EEIG1: variants seen among roughly 807,000 people sequenced by gnomAD.
The protein encoded by EEIG1 is estrogen-induced osteoclastogenesis regulator 1.
At chr9:127,959,112 AAC>A in the EEIG1 span, among the ~76,000 whole-genome samples, 3 of 152,250 alleles carry the variant, frequency 2.0e-5, no homozygotes, top group South Asian at 4.1e-4. Flanking sequence ...CAAAAGGTGA[AAC>A]ACAGAGTTAT....
chr9:127,960,327 T>A, the EEIG1 span, among the ~76,000 whole-genome samples: 2 of 151,624 alleles, frequency 1.3e-5, no homozygotes, highest in Admixed American at 1.3e-4. Flanking sequence ...TGGGGGGAGA[T>A]CAGAGGGGAT....
At chr9:127,963,499 G>C in the EEIG1 span, among the ~76,000 whole-genome samples, 2 of 152,250 alleles carry the variant, frequency 1.3e-5, no homozygotes, top group Non-Finnish European at 2.9e-5. Flanking sequence ...CAGCAAGGCG[G>C]GACAAGCCCT....
chr9:127,976,156 C>T, the EEIG1 span, among the ~76,000 whole-genome samples: 69 of 152,338 alleles, frequency 4.5e-4, 1 homozygote, highest in African/African-American at 1.6e-3. This position sits in a 1 kb window ranked among gnomAD's most constrained non-coding sequence, Gnocchi z 4.1. Context: ...GGCTGTCACA[C>T]GGGTCTGCAG....
At chr9:127,949,805 T>C in the EEIG1 span, among the ~76,000 whole-genome samples, 1 of 152,200 alleles carries the variant, frequency 6.6e-6, no homozygotes, top group Non-Finnish European at 1.5e-5. Context: ...GGTGTGCTGG[T>C]GACGGACACC....
At chr9:127,960,615 G>A in the EEIG1 span, among the ~76,000 whole-genome samples, 2 of 152,192 alleles carry the variant, frequency 1.3e-5, no homozygotes, top group South Asian at 2.1e-4. Context: ...GCCTGGGGAG[G>A]CAGCTCGGTG....
At chr9:127,953,765 T>C in the EEIG1 span, 4 of 1,613,742 alleles carry the variant, frequency 2.5e-6, no homozygotes, top group Admixed American at 5.0e-5. Context: ...GAGGGGCCTA[T>C]AGCCCAGCCC....
At chr9:127,961,734 A>G in the EEIG1 span, among the ~76,000 whole-genome samples, 1 of 152,200 alleles carries the variant, frequency 6.6e-6, no homozygotes, top group Non-Finnish European at 1.5e-5. Flanking sequence ...TCTTCATGGG[A>G]AGGTGACATC....
At chr9:127,971,912 A>G in the EEIG1 span, among the ~76,000 whole-genome samples, 1 of 152,180 alleles carries the variant, frequency 6.6e-6, no homozygotes, top group African/African-American at 2.4e-5. Context: ...CAGGGAACAA[A>G]GGCACAGAAA....
chr9:127,961,880 G>A, the EEIG1 span, among the ~76,000 whole-genome samples: 15 of 152,324 alleles, frequency 9.8e-5, no homozygotes, highest in East Asian at 2.7e-3. Flanking sequence ...GTGTAGCTGG[G>A]GCGGAGGATG....
At chr9:127,980,284 G>C in the EEIG1 span, 1 of 941,314 alleles carries the variant, frequency 1.1e-6, no homozygotes, top group Admixed American at 2.7e-5. Flanking sequence ...CGGAGTCCGG[G>C]GCCCCAGGTC....
At chr9:127,975,694 G>T in the EEIG1 span, among the ~76,000 whole-genome samples, 1 of 152,076 alleles carries the variant, frequency 6.6e-6, no homozygotes, top group Non-Finnish European at 1.5e-5. Context: ...CTTGCTATGA[G>T]GTAAGTCAGT....
At chr9:127,954,233 G>A in the EEIG1 span, among the ~76,000 whole-genome samples, 5 of 152,160 alleles carry the variant, frequency 3.3e-5, no homozygotes, top group African/African-American at 1.2e-4. Context: ...TGCTGCTCCC[G>A]CCACCTTGCT....
the EEIG1 span, among the ~76,000 whole-genome samples, chr9:127,968,097 G>GCTTCCTT: frequency 6.6e-6 from 1 of 150,832 alleles, no homozygotes; most frequent in Admixed American, 6.7e-5. Flanking sequence ...ACCACGCCTG[G>GCTTCCTT]CTTCCTTAGA....
chr9:127,941,463 G>GC, the EEIG1 span: 1 of 152,632 alleles, frequency 6.6e-6, no homozygotes, highest in South Asian at 2.1e-4. Context: ...TATCGGTGGG[G>GC]CAGGAAGGGA....
the EEIG1 span, among the ~76,000 whole-genome samples, chr9:127,979,721 C>T: frequency 5.9e-5 from 9 of 152,346 alleles, no homozygotes; most frequent in Non-Finnish European, 1.0e-4. Flanking sequence ...ATAGGCTGTA[C>T]ATGCAAGTCT....
At chr9:127,976,584 G>A in the EEIG1 span, among the ~76,000 whole-genome samples, 3 of 152,234 alleles carry the variant, frequency 2.0e-5, no homozygotes, top group African/African-American at 7.2e-5. This position sits in a 1 kb window ranked among gnomAD's most constrained non-coding sequence, Gnocchi z 4.1. Flanking sequence ...CAGAGTGCAG[G>A]AGCTCAGAGC....
At chr9:127,962,908 CCCA>C in the EEIG1 span, among the ~76,000 whole-genome samples, 10 of 152,198 alleles carry the variant, frequency 6.6e-5, no homozygotes, top group East Asian at 1.9e-3. Context: ...CTCCTTACTG[CCCA>C]CCACCACCTA....
At chr9:127,945,018 G>A in the EEIG1 span, 207 of 1,211,840 alleles carry the variant, frequency 1.7e-4, no homozygotes, top group Admixed American at 1.1e-4. The surrounding 1 kb of genome is among the most constrained non-coding windows in gnomAD (Gnocchi z 6.5). Flanking sequence ...TGTGCGCTCC[G>A]TGCTGTACTT....
chr9:127,956,290 A>C, the EEIG1 span, among the ~76,000 whole-genome samples: 47 of 152,376 alleles, frequency 3.1e-4, 1 homozygote, highest in Middle Eastern at 6.8e-3. Context: ...AGAAAGAAGA[A>C]GACCAAATAA....
Sources: gnomAD v4.1 joint callset for allele counts (sites outside exome capture counted in the v4.1 genomes callset) on GRCh38, gnomAD v4.1.1 for gene constraint, Gnocchi (gnomAD v3.1) non-coding constraint, MANE v1.5 for transcripts, NCBI Gene and HGNC (gene_info 2026-07-23, HGNC 2026-07-21) for gene names.